The following POM121 variants were observed in gnomAD, a reference collection of about 807,000 sequenced individuals.
POM121 encodes the protein nuclear envelope pore membrane protein POM 121.
Under a neutral mutation model 81.3 loss-of-function variants are expected in POM121, and 32 were observed. That is an observed-to-expected ratio of 0.39 (90% CI 0.30 to 0.53). The LOEUF is 0.53. POM121 is among the 20% of genes least tolerant of loss of function. The pLI is 0.66. For missense variants in POM121, 1,138 were observed against 1,614.6 expected, an observed-to-expected ratio of 0.70 and a Z score of 5.06; for synonymous variants, 514 against 694.2, an observed-to-expected ratio of 0.74 and a Z score of 4.08.
At chr7:72,949,247 G>C, downstream of POM121, 1 of 822,472 alleles carries the variant, frequency 1.2e-6, no homozygotes, top group Non-Finnish European at 2.2e-6. Context: ...GACCAAAACA[G>C]ATGACTCCAG....
intron 1 of POM121, among the ~76,000 whole-genome samples, chr7:72,881,126 G>A (rs1393486349): frequency 6.9e-6 from 1 of 145,374 alleles, no homozygotes; most frequent in Non-Finnish European, 1.5e-5. Flanking sequence ...ATGCAACAGC[G>A]TGGTCTCGGC....
At chr7:72,937,324 A>C (rs1796610828) in intron 5 of POM121, among the ~76,000 whole-genome samples, 1 of 151,856 alleles carries the variant, frequency 6.6e-6, no homozygotes, top group Admixed American at 6.6e-5. Context: ...CAGGGATCTG[A>C]AGTGATTGAA....
chr7:72,880,086 A>C (rs1475761546), intron 1 of POM121, among the ~76,000 whole-genome samples: 3 of 152,168 alleles, frequency 2.0e-5, no homozygotes, highest in African/African-American at 7.2e-5. Context: ...GGAAGCGTGG[A>C]GGGTGTCACC....
chr7:72,917,845 G>C (rs782048282), intron 4 of POM121, among the ~76,000 whole-genome samples: 1 of 152,154 alleles, frequency 6.6e-6, no homozygotes, highest in Non-Finnish European at 1.5e-5. Context: ...GTCTGGCTGC[G>C]CTGTTATTTA....
At chr7:72,936,473 T>G (rs1554499520) in intron 5 of POM121, among the ~76,000 whole-genome samples, 2 of 151,678 alleles carry the variant, frequency 1.3e-5, no homozygotes, top group Non-Finnish European at 2.9e-5. Context: ...GAGACGGGGT[T>G]TCACCATGTT....
intron 3 of POM121, among the ~76,000 whole-genome samples, chr7:72,912,884 G>C (rs1384354746): frequency 6.6e-6 from 1 of 152,146 alleles, no homozygotes; most frequent in Non-Finnish European, 1.5e-5. Context: ...GTAATTCAGT[G>C]TCCGCGTCAT....
rs17405659 is a variant in POM121 at position 72,939,389 on chromosome 7, G to A, written c.1421G>A (p.Arg474Lys). The A allele has an allele frequency of 1.4e-5, 23 of 1,613,916 alleles. No individual in the cohort carries two copies. The highest frequency in any genetic ancestry group is 5.3e-5 in the African/African-American group (4 of 75,042). The change falls in exon 7 of 13, where the codon AGG (arginine) becomes AAG (lysine). Residue 474 changes from arginine to lysine, a missense_variant. Physicochemically the swap from Arg to Lys is conservative, Grantham distance 26. Transcript: ENST00000434423. ...TCTTCAACTCCATTGGCAGCAGACA[G>A]GGAGTCCCAGGGAGAAAAGGGTAGG... ...SSSSTPLAADRESQGEKAADT... is the reference protein window; with the variant it reads ...SSSSTPLAADKESQGEKAADT...
intron 3 of POM121, among the ~76,000 whole-genome samples, chr7:72,894,153 A>G (rs1281691649): frequency 1.3e-5 from 2 of 152,156 alleles, no homozygotes; most frequent in South Asian, 2.1e-4. Flanking sequence ...AGTCCCAGAT[A>G]TTTGGAGGCT....
chr7:72,943,540 C>G lies in POM121; in HGVS notation c.3529+18C>G, dbSNP rs782173611. On this transcript the variant is annotated intron_variant, in intron 11 of 12. Transcript: ENST00000434423. ...GTTTGGAGGTAAGGAGGGGCGTGGACTTGGGCTACCGGGCCGGACACTGAA... is the reference window on the plus strand; with the variant it reads ...GTTTGGAGGTAAGGAGGGGCGTGGAGTTGGGCTACCGGGCCGGACACTGAA... 236 of 1,609,634 alleles carry G rather than the reference C, an allele frequency of 1.5e-4. 1 individual carries two copies. The highest frequency in any genetic ancestry group is 3.9e-4 in the Admixed American group (23 of 59,706).
chr7:72,924,895 A>T, upstream of POM121: 1 of 646,946 alleles, frequency 1.5e-6, no homozygotes, highest in South Asian at 3.8e-5. Flanking sequence ...CTTCCACGGG[A>T]TCGCCTCCGG....
intron 10 of POM121, 99 bp from the exon 11 acceptor site, chr7:72,941,738 C>A: frequency 7.0e-7 from 1 of 1,421,604 alleles, no homozygotes; most frequent in Non-Finnish European, 9.6e-7. Context: ...ACTCTTGGAT[C>A]CCAGGCTCTG....
intron 4 of POM121, among the ~76,000 whole-genome samples, chr7:72,929,072 G>A (rs543130348): frequency 6.6e-6 from 1 of 152,330 alleles, no homozygotes; most frequent in East Asian, 1.9e-4. Flanking sequence ...TACACAAACG[G>A]AAATTCATTC....
At chr7:72,912,947 C>T (rs1326699394) in intron 3 of POM121, among the ~76,000 whole-genome samples, 4 of 152,300 alleles carry the variant, frequency 2.6e-5, no homozygotes, top group South Asian at 2.1e-4. Context: ...AAGCACATGA[C>T]GCAGACTCTC....
At chr7:72,903,352 G>T (rs1792902879) in intron 3 of POM121, among the ~76,000 whole-genome samples, 1 of 152,152 alleles carries the variant, frequency 6.6e-6, no homozygotes, top group Admixed American at 6.6e-5. Context: ...AAGAGGAACT[G>T]CTTGAACCAG....
intron 3 of POM121, among the ~76,000 whole-genome samples, chr7:72,904,292 C>A (rs1227756125): frequency 6.6e-6 from 1 of 152,204 alleles, no homozygotes; most frequent in African/African-American, 2.4e-5. Context: ...CCCGAATTTC[C>A]CATAGAAACT....
chr7:72,905,240 T>C (rs1554493241), intron 3 of POM121, among the ~76,000 whole-genome samples: 1 of 152,232 alleles, frequency 6.6e-6, no homozygotes, highest in Admixed American at 6.5e-5. Context: ...TAATTCAATA[T>C]GTTTTCCAGT....
At chr7:72,881,257 C>T (rs1179771115) in intron 1 of POM121, among the ~76,000 whole-genome samples, 1 of 151,200 alleles carries the variant, frequency 6.6e-6, no homozygotes, top group Non-Finnish European at 1.5e-5. Flanking sequence ...TAAGTAGAGA[C>T]GGGGTTTTGC....
chr7:72,886,524 A>G (rs1790737798), intron 1 of POM121, among the ~76,000 whole-genome samples: 1 of 152,118 alleles, frequency 6.6e-6, no homozygotes, highest in African/African-American at 2.4e-5. Context: ...CACAGTTACC[A>G]TTTCTGGTAC....
intron 3 of POM121, among the ~76,000 whole-genome samples, chr7:72,905,373 A>G (rs1424669507): frequency 1.3e-5 from 2 of 152,180 alleles, no homozygotes; most frequent in Non-Finnish European, 2.9e-5. Flanking sequence ...CGGTCACAGA[A>G]CATATTTTGT....
Sources: gnomAD v4.1 joint callset for allele counts (sites outside exome capture counted in the v4.1 genomes callset) on GRCh38, gnomAD v4.1.1 for gene constraint, MANE v1.5 for transcripts, NCBI Gene and HGNC (gene_info 2026-07-23, HGNC 2026-07-21) for gene names.